LPCAT1: variants seen among roughly 807,000 people sequenced by gnomAD.
LPCAT1 encodes the protein 1-acylglycerol-3-phosphate O-acyltransferase.
In LPCAT1, 23 loss-of-function variants were observed where a neutral mutation model predicts 60.9. The ratio of observed to expected loss-of-function variants is 0.38; its 90% CI spans 0.27 to 0.53. LPCAT1 has a LOEUF of 0.53. Ranked by LOEUF, LPCAT1 falls within the 20% of genes least tolerant of loss-of-function variation. The probability of loss-of-function intolerance (pLI) is 0.82; values close to 1 mark genes in which losing one functional copy is unlikely to be tolerated. For synonymous variants in LPCAT1, 340 were observed against 301.1 expected (o/e 1.13, Z -1.34); for missense variants, 622 against 723.6 (o/e 0.86, Z 1.61).
Position 1,487,871 on chromosome 5 carries a change from C to T in LPCAT1, c.667+520G>A, listed in dbSNP as rs1735429719. 1.3e-5 allele frequency among the ~76,000 whole-genome samples: 2 copies of T among 152,174 alleles called. No individual in the cohort carries two copies. Among genetic ancestry groups the T allele is most frequent in the South Asian group, 2.1e-4 (1 of 4,826 alleles). ...TGCCACACTTCCCACGTCAGGGGTG[C>T]AGACACAATACTAGACCCAGGTAAC... is the stretch of plus-strand genomic sequence containing the variant. On this transcript the variant is annotated intron_variant, in intron 5 of 13. Transcript: ENST00000283415. The surrounding 1 kb of genome is among the most constrained non-coding windows in gnomAD (Gnocchi z 6.1).
intron 13 of LPCAT1, 74 bp downstream of exon 13, chr5:1,466,675 A>T: frequency 6.8e-7 from 1 of 1,478,572 alleles, no homozygotes; most frequent in Non-Finnish European, 9.1e-7. Flanking sequence ...CTGGGCTCCC[A>T]CGGAGACTCG....
In LPCAT1 at chr5:1,480,617, C is replaced by T. The variant is rs1481659933; in HGVS notation, c.761+325G>A. Among the ~76,000 whole-genome samples, 1 of 152,190 alleles carries T rather than the reference C, an allele frequency of 6.6e-6. No homozygotes were observed. Among genetic ancestry groups the T allele is most frequent in the Non-Finnish European group, 1.5e-5 (1 of 68,036 alleles). ...CCTGTGCAGACGGGGTCCCCCCAGA[C>T]ACCCCTAAATCTCCACTTTCCTTAC... On this transcript the variant is annotated intron_variant, in intron 7 of 13. Coordinates refer to ENST00000283415, the MANE Select transcript of LPCAT1 (RefSeq NM_024830.5). This position sits in a 1 kb window ranked among gnomAD's most constrained non-coding sequence, Gnocchi z 6.4.
In LPCAT1 at chr5:1,522,383, G is replaced by T. The variant is rs567415685; in HGVS notation, c.135+1327C>A. Among the ~76,000 whole-genome samples, 1 of 152,302 alleles carries T rather than the reference G, an allele frequency of 6.6e-6. No homozygotes were observed. Among genetic ancestry groups the T allele is most frequent in the African/African-American group, 2.4e-5 (1 of 41,554 alleles). On this transcript the variant is annotated intron_variant, in intron 1 of 13. Transcript: ENST00000283415. This position sits in a 1 kb window ranked among gnomAD's most constrained non-coding sequence, Gnocchi z 6.8. Reference sequence around the variant, plus strand: ...AGCTGACAGCGTGTGGCAGACAGAGGGCCAGGCAGAGCGGCGGCAGAGGGG... The same window carrying T: ...AGCTGACAGCGTGTGGCAGACAGAGTGCCAGGCAGAGCGGCGGCAGAGGGG...
intron 2 of LPCAT1, among the ~76,000 whole-genome samples, chr5:1,500,815 C>A (rs145905969): frequency 6.6e-6 from 1 of 152,348 alleles, no homozygotes; most frequent in Non-Finnish European, 1.5e-5. Context: ...TGGCCACCTG[C>A]CCCCCGAGCA....
rs1352909701 is a variant in LPCAT1 at position 1,502,047 on chromosome 5, C to T, written c.136-444G>A. Among the ~76,000 whole-genome samples the T allele has an allele frequency of 2.0e-5, 3 of 152,224 alleles. No homozygotes were observed. Among genetic ancestry groups the T allele is most frequent in the Admixed American group, 6.5e-5 (1 of 15,288 alleles). On this transcript the variant is annotated intron_variant, in intron 1 of 13. Transcript: ENST00000283415. This position sits in a 1 kb window ranked among gnomAD's most constrained non-coding sequence, Gnocchi z 5.5. Reference sequence around the variant, plus strand: ...GACCAAGGCTGACCGGTGCTGATGCCGACCAGCCCTCACCATGGCTGTGGA... The same window carrying T: ...GACCAAGGCTGACCGGTGCTGATGCTGACCAGCCCTCACCATGGCTGTGGA...
chr5:1,491,731 T>G (rs1735591810), intron 3 of LPCAT1, among the ~76,000 whole-genome samples: 1 of 152,196 alleles, frequency 6.6e-6, no homozygotes, highest in Non-Finnish European at 1.5e-5. Context: ...TTTGGGCATT[T>G]GAGGCTCAAA....
chr5:1,484,241 T>A (rs1735285935), intron 5 of LPCAT1, among the ~76,000 whole-genome samples: 1 of 152,202 alleles, frequency 6.6e-6, no homozygotes, highest in Admixed American at 6.5e-5. Context: ...CTCAGGAACT[T>A]CCCCGTTCCC....
Position 1,470,859 on chromosome 5 carries a change from G to GGCC in LPCAT1, c.1242_1244dup (p.Ala415dup). On this transcript the variant is annotated inframe_insertion, in exon 12 of 14. Transcript: ENST00000283415. ...CCAGCTGGATGGTGTCCAGGGTCCG[G>GGCC]GCCGGCCGGCAGACGACAGACAGGG... The GGCC allele has an allele frequency of 6.2e-7, 1 of 1,613,600 alleles. No individual in the cohort carries two copies.
chr5:1,473,445 T>C (rs28336), intron 11 of LPCAT1, among the ~76,000 whole-genome samples: 120,408 of 152,328 alleles, frequency 0.79, 48,132 homozygotes, highest in African/African-American at 0.91. Flanking sequence ...GGCCACCTGG[T>C]GTGACCGTGG....
chr5:1,487,724 CTTT>C lies in LPCAT1; in HGVS notation c.667+664_667+666del, dbSNP rs1373473561. Among the ~76,000 whole-genome samples, 1 of 152,108 alleles carries C rather than the reference CTTT, an allele frequency of 6.6e-6. No individual in the cohort carries two copies. The highest frequency in any genetic ancestry group is 1.5e-5 in the Non-Finnish European group (1 of 68,020). ...TGGACACAGTTGATGAAAGCCACTA[CTTT>C]CTAAAGTAGCCCAAGGGAGACGACA... On this transcript the variant is annotated intron_variant, in intron 5 of 13. Coordinates refer to ENST00000283415, the MANE Select transcript of LPCAT1 (RefSeq NM_024830.5). This position sits in a 1 kb window ranked among gnomAD's most constrained non-coding sequence, Gnocchi z 6.1.
intron 1 of LPCAT1, among the ~76,000 whole-genome samples, chr5:1,503,139 G>C (rs533517620): frequency 6.6e-6 from 1 of 152,210 alleles, no homozygotes; most frequent in East Asian, 1.9e-4. Context: ...ATGATGTTTG[G>C]TTTGCGAGAG....
chr5:1,499,274 G>A (rs1437870518), intron 2 of LPCAT1, among the ~76,000 whole-genome samples: 1 of 152,220 alleles, frequency 6.6e-6, no homozygotes, highest in Non-Finnish European at 1.5e-5. Context: ...TGCCTCCTGA[G>A]ACAGAACAGA....
Position 1,469,487 on chromosome 5 carries a change from G to A in LPCAT1, c.1278+1339C>T, listed in dbSNP as rs1734581124. 2.6e-5 allele frequency among the ~76,000 whole-genome samples: 4 copies of A among 152,222 alleles called. No homozygotes were observed. In the South Asian group the frequency reaches 8.3e-4, roughly 31 times the overall value. ...TGGCTCTACAGCAGGGGCTGGTGGG[G>A]CCAGCAGAACGGGGGGCGGTGGCTC... On this transcript the variant is annotated intron_variant, in intron 12 of 13. Coordinates refer to ENST00000283415, the MANE Select transcript of LPCAT1 (RefSeq NM_024830.5).
intron 2 of LPCAT1, among the ~76,000 whole-genome samples, chr5:1,498,731 C>T (rs1299834582): frequency 6.6e-6 from 1 of 152,144 alleles, no homozygotes; most frequent in African/African-American, 2.4e-5. Flanking sequence ...TCCATCCACA[C>T]ATATATACAT....
chr5:1,481,853 C>A lies in LPCAT1; in HGVS notation c.727-877G>T, dbSNP rs1277710584. On this transcript the variant is annotated intron_variant, in intron 6 of 13. Transcript: ENST00000283415. This position sits in a 1 kb window ranked among gnomAD's most constrained non-coding sequence, Gnocchi z 7.8. The stretch of plus-strand genomic sequence containing the variant: ...GTCGTGTGACTACCGGCCCTGACTC[C>A]ATTTTATTACCTGACCGTCAGCTCT... Among the ~76,000 whole-genome samples, 1 of 152,228 alleles carries A rather than the reference C, an allele frequency of 6.6e-6. No individual in the cohort carries two copies. The highest frequency in any genetic ancestry group is 1.5e-5 in the Non-Finnish European group (1 of 68,042).
intron 3 of LPCAT1, among the ~76,000 whole-genome samples, chr5:1,490,649 T>C (rs1308324570): frequency 1.3e-5 from 2 of 152,154 alleles, no homozygotes; most frequent in African/African-American, 4.8e-5. Context: ...AGTTTAACCA[T>C]GGCACCCCAC....
At chr5:1,471,938 G>C (rs7730058) in intron 11 of LPCAT1, among the ~76,000 whole-genome samples, 1 of 51,266 alleles carries the variant, frequency 2.0e-5, no homozygotes, top group African/African-American at 1.0e-4. Flanking sequence ...TTTGGCCAGA[G>C]AGCAGGAGGT....
At chr5:1,505,638 C>A (rs1579806743) in intron 1 of LPCAT1, among the ~76,000 whole-genome samples, 1 of 152,272 alleles carries the variant, frequency 6.6e-6, no homozygotes, top group East Asian at 1.9e-4. Flanking sequence ...CACTGTGAGA[C>A]CACGTGACCC....
chr5:1,494,455 C>G (rs1735703880), intron 3 of LPCAT1, among the ~76,000 whole-genome samples: 1 of 150,538 alleles, frequency 6.6e-6, no homozygotes, highest in Non-Finnish European at 1.5e-5. Context: ...GGGTCTCACT[C>G]ATTTCCAGCA....
Sources: gnomAD v4.1 joint callset for allele counts (sites outside exome capture counted in the v4.1 genomes callset) on GRCh38, gnomAD v4.1.1 for gene constraint, Gnocchi (gnomAD v3.1) non-coding constraint, MANE v1.5 for transcripts, NCBI Gene and HGNC (gene_info 2026-07-23, HGNC 2026-07-21) for gene names.